GPHN: variants seen among roughly 807,000 people sequenced by gnomAD.
The protein encoded by GPHN is gephyrin.
A neutral mutation model predicts 95.5 loss-of-function variants in GPHN; 17 were observed. The ratio of observed to expected loss-of-function variants is 0.18; its 90% CI spans 0.12 to 0.27. GPHN has a LOEUF of 0.27. Among genes scored for constraint, GPHN ranks in the 10% least tolerant of loss-of-function variants. The probability of loss-of-function intolerance (pLI) is 1.00; values close to 1 mark genes in which losing one functional copy is unlikely to be tolerated. For synonymous variants in GPHN, 320 were observed against 322.5 expected, an observed-to-expected ratio of 0.99 and a Z score of 0.08; for missense variants, 660 against 978.1, an observed-to-expected ratio of 0.67 and a Z score of 4.34.
the GPHN span, among the ~76,000 whole-genome samples, chr14:67,390,067 G>C: frequency 1.3e-5 from 2 of 152,218 alleles, no homozygotes; most frequent in Non-Finnish European, 1.5e-5. Flanking sequence ...CCAAGACAAG[G>C]CTGAACAGCT....
At chr14:67,245,884 A>G in the GPHN span, among the ~76,000 whole-genome samples, 2 of 151,864 alleles carry the variant, frequency 1.3e-5, no homozygotes, top group Non-Finnish European at 2.9e-5. Flanking sequence ...TCCAAGTTTT[A>G]TATTGTAATT....
chr14:67,720,500 G>A, the GPHN span, among the ~76,000 whole-genome samples: 2 of 152,098 alleles, frequency 1.3e-5, no homozygotes, highest in Admixed American at 6.5e-5. Context: ...TGAGGTATTC[G>A]AATTTTGGAA....
At chr14:67,160,096 T>C (rs917357041) in intron 19 of GPHN, among the ~76,000 whole-genome samples, 5 of 152,190 alleles carry the variant, frequency 3.3e-5, no homozygotes, top group Admixed American at 2.6e-4. Context: ...ATTGTTTTGT[T>C]TGATAAGGAT....
Position 66,602,675 on chromosome 14 carries a change from AT to A in GPHN, c.65-78431del, listed in dbSNP as rs531044135. On this transcript the variant is annotated intron_variant, in intron 1 of 22. Coordinates refer to ENST00000478722, the MANE Select transcript of GPHN (RefSeq NM_020806.5). Reference sequence around the variant, plus strand: ...TGCCTGCAATAGTAAATGTTTATTTATGATAAAACTCTGATTAGGTAGTAGG... The same window carrying A: ...TGCCTGCAATAGTAAATGTTTATTTAGATAAAACTCTGATTAGGTAGTAGG... Among the ~76,000 whole-genome samples the A allele has an allele frequency of 5.9e-3, 890 of 152,074 alleles. 12 individuals are homozygous for A. The highest frequency in any genetic ancestry group is 0.018 in the African/African-American group (744 of 41,560).
At chr14:67,202,769 T>A in the GPHN span, among the ~76,000 whole-genome samples, 23 of 152,210 alleles carry the variant, frequency 1.5e-4, no homozygotes, top group Admixed American at 7.9e-4. Flanking sequence ...TCACTGCCTG[T>A]CTCCCCACTC....
chr14:67,322,861 C>A, the GPHN span, among the ~76,000 whole-genome samples: 1 of 152,160 alleles, frequency 6.6e-6, no homozygotes, highest in Admixed American at 6.5e-5. Flanking sequence ...TTTGAGCACA[C>A]ACAGTCATGC....
chr14:66,827,276 C>T (rs8006067), intron 4 of GPHN, among the ~76,000 whole-genome samples: 37,744 of 150,574 alleles, frequency 0.25, 9,597 homozygotes, highest in African/African-American at 0.62. Flanking sequence ...AGAGGGAGAC[C>T]CTGTCTCAAA....
the GPHN span, among the ~76,000 whole-genome samples, chr14:67,600,864 C>A: frequency 6.6e-6 from 1 of 152,204 alleles, no homozygotes; most frequent in African/African-American, 2.4e-5. Flanking sequence ...CAGGCGTGAG[C>A]CACCGCACCC....
intron 17 of GPHN, among the ~76,000 whole-genome samples, chr14:67,122,887 T>G (rs545258989): frequency 6.6e-6 from 1 of 152,212 alleles, no homozygotes; most frequent in Non-Finnish European, 1.5e-5. Flanking sequence ...TGACTATAAT[T>G]ACTCAATTTT....
chr14:67,157,566 G>A (rs2081672341), intron 18 of GPHN, among the ~76,000 whole-genome samples: 1 of 152,158 alleles, frequency 6.6e-6, no homozygotes, highest in Non-Finnish European at 1.5e-5. Flanking sequence ...GTTCACACCT[G>A]TAATTCCAAC....
chr14:67,720,817 C>T, the GPHN span: 2 of 152,138 alleles, frequency 1.3e-5, no homozygotes, highest in African/African-American at 4.8e-5. Flanking sequence ...ATTCTAGATG[C>T]CTTATGGTCC....
At chr14:66,869,598 C>T (rs1275184229) in intron 4 of GPHN, among the ~76,000 whole-genome samples, 1 of 152,168 alleles carries the variant, frequency 6.6e-6, no homozygotes, top group Non-Finnish European at 1.5e-5. Context: ...TCTCCATTCT[C>T]TTTTTCCTAG....
At chr14:67,080,944 C>A (rs1323551166) in intron 11 of GPHN, among the ~76,000 whole-genome samples, 1 of 152,048 alleles carries the variant, frequency 6.6e-6, no homozygotes, top group Middle Eastern at 3.2e-3. Flanking sequence ...TATTTCATTC[C>A]TTTTTTGGCT....
the GPHN span, among the ~76,000 whole-genome samples, chr14:67,400,244 T>G: frequency 1.3e-5 from 2 of 152,220 alleles, no homozygotes; most frequent in Non-Finnish European, 2.9e-5. Context: ...TGACAAGAGT[T>G]TATTAACATG....
the GPHN span, among the ~76,000 whole-genome samples, chr14:67,553,090 T>G: frequency 1.3e-5 from 2 of 152,242 alleles, no homozygotes; most frequent in Admixed American, 6.5e-5. Context: ...TTACTCCACC[T>G]TGGTCTCCAT....
the GPHN span, among the ~76,000 whole-genome samples, chr14:67,347,951 G>A: frequency 1.3e-4 from 20 of 150,034 alleles, no homozygotes; most frequent in Non-Finnish European, 2.7e-4. Flanking sequence ...TCACTCTGTC[G>A]CCCAGGCTGC....
At chr14:67,194,618 G>C in the GPHN span, among the ~76,000 whole-genome samples, 1 of 152,172 alleles carries the variant, frequency 6.6e-6, no homozygotes, top group Admixed American at 6.5e-5. Flanking sequence ...AGATTCTCCT[G>C]CTTCAGTCTC....
the GPHN span, among the ~76,000 whole-genome samples, chr14:67,521,498 A>C: frequency 1.3e-5 from 2 of 152,332 alleles, no homozygotes; most frequent in Admixed American, 1.3e-4. Flanking sequence ...CTTTCATAGA[A>C]GTCTTAAAAT....
chr14:67,089,132 T>TG, intron 12 of GPHN, 57 bp downstream of exon 12: 2 of 449,618 alleles, frequency 4.4e-6, no homozygotes. Context: ...TTTCTTTTTT[T>TG]CTTTTTTTTT....
Sources: allele counts gnomAD v4.1 joint callset (sites outside exome capture counted in the v4.1 genomes callset), GRCh38; gene constraint gnomAD v4.1.1; transcripts MANE v1.5; gene names NCBI Gene and HGNC (gene_info 2026-07-23, HGNC 2026-07-21).